Variants in CUL3 observed in about 807,000 individuals in gnomAD.
CUL3 encodes the protein cullin 3, also known as cullin-3.
A neutral mutation model predicts 89.1 loss-of-function variants in CUL3; 19 were observed. The observed-to-expected ratio is 0.21, with a 90% CI of 0.15 to 0.31. The LOEUF is 0.31. Ranked by LOEUF, CUL3 falls within the 10% of genes least tolerant of loss-of-function variation. CUL3 has a pLI of 1.00. For synonymous variants in CUL3, 351 were observed against 308.4 expected, an observed-to-expected ratio of 1.14 and a Z score of -1.45; for missense variants, 469 against 942.3, an observed-to-expected ratio of 0.50 and a Z score of 6.58.
rs192400989 is a variant in CUL3 at position 224,508,708 on chromosome 2, C to A, written c.884-1705G>T. On this transcript the variant is annotated intron_variant, in intron 6 of 15. Coordinates refer to ENST00000264414, the MANE Select transcript of CUL3 (RefSeq NM_003590.5). ...GACACGGTGGCTCACGCCTGTAATC[C>A]CAACACTTTGGGAGGCTGAGACGGG... 1.8e-3 allele frequency among the ~76,000 whole-genome samples: 279 copies of A among 152,048 alleles called. 3 individuals carry two copies. The highest frequency in any genetic ancestry group is 6.5e-3 in the African/African-American group (268 of 41,440).
chr2:224,474,435 C>A, intron 15 of CUL3, 59 bp from the exon 16 acceptor site: 2 of 1,432,942 alleles, frequency 1.4e-6, no homozygotes, highest in Non-Finnish European at 1.9e-6. Flanking sequence ...TATCTTTGAA[C>A]AGAACTGATA....
intron 3 of CUL3, among the ~76,000 whole-genome samples, chr2:224,533,436 C>G (rs1228509464): frequency 6.6e-6 from 1 of 150,588 alleles, no homozygotes; most frequent in East Asian, 1.9e-4. Context: ...AGTCAGAATT[C>G]AAGGTTTGAG....
intron 3 of CUL3, among the ~76,000 whole-genome samples, chr2:224,516,318 C>CTTTTTTTT (rs68130414): frequency 3.7e-5 from 5 of 133,442 alleles, no homozygotes; most frequent in African/African-American, 5.6e-5. Flanking sequence ...TTTTTGTTTG[C>CTTTTTTTT]TTTTTTTTTT....
intron 11 of CUL3, chr2:224,499,879 T>C (rs923046598): frequency 6.1e-6 from 1 of 162,980 alleles, no homozygotes; most frequent in African/African-American, 2.4e-5. Flanking sequence ...AAAAAAAATA[T>C]TTGCTTGGAT....
rs893881920 is a variant in CUL3 at position 224,470,482 on chromosome 2, T to C, written c.*3763A>G. ...GCGTAATGGCCAATCTCTGTATCAT[T>C]ACCTGTTAAATTTATCTGCCATTCT... On this transcript the variant is annotated 3_prime_UTR_variant, in exon 16 of 16. Coordinates refer to ENST00000264414, the MANE Select transcript of CUL3 (RefSeq NM_003590.5). 2.6e-5 allele frequency: 6 copies of C among 229,236 alleles called. No individual in the cohort carries two copies. The highest frequency in any genetic ancestry group is 6.2e-5 in the East Asian group (1 of 16,082). The allele number at this position is 229,236 out of a possible 1,614,324, so 14.2% of individuals were successfully genotyped here.
intron 3 of CUL3, among the ~76,000 whole-genome samples, chr2:224,534,830 T>TA (rs1693823476): frequency 2.0e-5 from 3 of 150,282 alleles, no homozygotes; most frequent in Non-Finnish European, 4.4e-5. Flanking sequence ...AAAAGAAAAA[T>TA]AAAATAAAAA....
At chr2:224,539,989 AG>A (rs34148987) in intron 2 of CUL3, among the ~76,000 whole-genome samples, 27,798 of 150,534 alleles carry the variant, frequency 0.18, 2,916 homozygotes, top group East Asian at 0.27. Context: ...ATGTGCATAC[AG>A]GGGGGGAGGC....
chr2:224,534,469 C>T (rs1014675009), intron 3 of CUL3, among the ~76,000 whole-genome samples: 3 of 152,134 alleles, frequency 2.0e-5, no homozygotes, highest in Non-Finnish European at 4.4e-5. Context: ...ATATGACATC[C>T]TCTCTCACTG....
rs376097816 is a variant in CUL3, at chr2:224,585,025, C to G, written c.-16G>C. 7.4e-6 allele frequency: 11 copies of G among 1,491,822 alleles called. No individual in the cohort carries two copies. Among genetic ancestry groups the G allele is most frequent in the Non-Finnish European group, 9.0e-6 (10 of 1,108,210 alleles). The allele number at this position is 1,491,822 out of a possible 1,614,324, so 92.4% of individuals were successfully genotyped here. A position where few individuals can be genotyped will look rare whatever the true frequency, so the allele number is the denominator to read the frequency against. ...GATTCGACATGGTGCTCGTCCCCTC[C>G]CCGGCGGCGGCTTCAGGTCGCGCTC... On this transcript the variant is annotated 5_prime_UTR_variant, in exon 1 of 16. Transcript: ENST00000264414.
chr2:224,534,395 ATAC>A (rs1693806387), intron 3 of CUL3, among the ~76,000 whole-genome samples: 1 of 152,248 alleles, frequency 6.6e-6, no homozygotes, highest in Admixed American at 6.5e-5. Context: ...CTGCAATAAT[ATAC>A]TATTAAGAAA....
rs1691095742 is a variant in CUL3 at position 224,470,623 on chromosome 2, A to AGTAT, written c.*3618_*3621dup. The AGTAT allele has an allele frequency of 4.3e-6, 1 of 231,864 alleles. No homozygotes were observed. Among genetic ancestry groups the AGTAT allele is most frequent in the African/African-American group, 2.2e-5 (1 of 45,288 alleles). The allele number at this position is 231,864 out of a possible 1,614,324, so 14.4% of individuals were successfully genotyped here. ...CATGCCTATCTGTGGTACCCACTTA[A>AGTAT]GTATGTAAAACTTTCTCTAAGATTG... On this transcript the variant is annotated 3_prime_UTR_variant, in exon 16 of 16. Coordinates refer to ENST00000264414, the MANE Select transcript of CUL3 (RefSeq NM_003590.5).
Position 224,565,599 on chromosome 2 carries a change from A to G in CUL3, c.67-7743T>C, listed in dbSNP as rs1038073584. On this transcript the variant is annotated intron_variant, in intron 1 of 15. Transcript: ENST00000264414. ...AAACAGTCCATGTCGTAAAAGTCAAAGCATTCTTGAGTATCAGAAACCTCC... is the reference window on the plus strand; with the variant it reads ...AAACAGTCCATGTCGTAAAAGTCAAGGCATTCTTGAGTATCAGAAACCTCC... Among the ~76,000 whole-genome samples the G allele has an allele frequency of 4.6e-5, 7 of 152,226 alleles. No individual in the cohort carries two copies. In the South Asian group the frequency reaches 1.0e-3, roughly 23 times the overall value.
At position 224,506,068 on chromosome 2, in the gene CUL3, A is replaced by G; in HGVS notation, c.1094T>C (p.Leu365Pro). The change falls in exon 8 of 16, where the codon CTC becomes CCC. Residue 365 changes from leucine to proline, a missense_variant. This residue lies in a region of CUL3 where 370 missense variants were observed against 733.2 expected (regional missense o/e 0.50). Coordinates refer to ENST00000264414, the MANE Select transcript of CUL3 (RefSeq NM_003590.5). ...GTCACCCGCAATAGTTTGTTTAAAG[A>G]GACGGTCATTGTTGAATGATTCCAG... is the stretch of plus-strand genomic sequence containing the variant. ...FLLESFNNDR[L>P]FKQTIAGDFE... 6.2e-7 allele frequency: 1 copy of G among 1,612,886 alleles called. No individual in the cohort carries two copies. The highest frequency in any genetic ancestry group is 8.5e-7 in the Non-Finnish European group (1 of 1,179,248).
intron 2 of CUL3, among the ~76,000 whole-genome samples, chr2:224,542,576 C>T (rs149094769): frequency 4.0e-5 from 6 of 151,606 alleles, no homozygotes; most frequent in African/African-American, 7.3e-5. Flanking sequence ...TGTGTGCGCG[C>T]GCGCATGCGT....
intron 3 of CUL3, among the ~76,000 whole-genome samples, chr2:224,524,727 C>T (rs1693402067): frequency 1.3e-5 from 2 of 152,034 alleles, no homozygotes; most frequent in Admixed American, 6.6e-5. Context: ...AGGGCCTCCA[C>T]AATTTTTCAC....
rs149594692 is a variant in CUL3 at position 224,519,517 on chromosome 2, CATATA to C, written c.379-4750_379-4746del. 8.3e-3 allele frequency among the ~76,000 whole-genome samples: 1,256 copies of C among 152,082 alleles called. 10 individuals are homozygous for C. Among genetic ancestry groups the C allele is most frequent in the African/African-American group, 0.029 (1,197 of 41,458 alleles). ...AAGATGTGTGATGATAATTAAATGA[CATATA>C]ATATTAAGAAAAACTTGATAACCCT... On this transcript the variant is annotated intron_variant, in intron 3 of 15. Transcript: ENST00000264414.
Position 224,470,266 on chromosome 2 carries a change from TA to T in CUL3, c.*3978del, listed in dbSNP as rs925441859. ...TGAAATTTGACAATTTCATTGTTAC[TA>T]AAAAATACACGTTTACTTTGAGCTG... On this transcript the variant is annotated 3_prime_UTR_variant, in exon 16 of 16. Coordinates refer to ENST00000264414, the MANE Select transcript of CUL3 (RefSeq NM_003590.5). 2.5e-4 allele frequency: 56 copies of T among 221,330 alleles called. 1 individual carries two copies. Among genetic ancestry groups the T allele is most frequent in the Admixed American group, 8.1e-4 (14 of 17,360 alleles). The allele number at this position is 221,330 out of a possible 1,614,324, so 13.7% of individuals were successfully genotyped here.
chr2:224,547,146 T>C (rs1694333746), intron 2 of CUL3, among the ~76,000 whole-genome samples: 1 of 152,158 alleles, frequency 6.6e-6, no homozygotes, highest in Non-Finnish European at 1.5e-5. Context: ...CCTAAATGCC[T>C]GACTACATCT....
rs1282698976 is a variant in CUL3, at chr2:224,473,153, T to G, written c.*1092A>C. ...GGTTTGAGAAATATTGCTTAATCAC[T>G]TTCCAAAACACAGCTGCAAGAATTG... is the stretch of plus-strand genomic sequence containing the variant. On this transcript the variant is annotated 3_prime_UTR_variant, in exon 16 of 16. Transcript: ENST00000264414. 1 of 202,016 alleles carries G rather than the reference T, an allele frequency of 5.0e-6. No individual in the cohort carries two copies. Among genetic ancestry groups the G allele is most frequent in the African/African-American group, 2.3e-5 (1 of 43,608 alleles). The allele number at this position is 202,016 out of a possible 1,614,324, so 12.5% of individuals were successfully genotyped here.
Sources: allele counts gnomAD v4.1 joint callset (sites outside exome capture counted in the v4.1 genomes callset), GRCh38; gene constraint gnomAD v4.1.1; regional missense constraint gnomAD v4.1.1; transcripts MANE v1.5; gene names NCBI Gene and HGNC (gene_info 2026-07-23, HGNC 2026-07-21).